The following CDC5L variants were observed in gnomAD, a reference collection of about 807,000 sequenced individuals.
CDC5L encodes cell division cycle 5-like protein.
A neutral mutation model predicts 104.1 loss-of-function variants in CDC5L; 18 were observed. The ratio of observed to expected loss-of-function variants is 0.17; its 90% CI spans 0.12 to 0.26. CDC5L has a LOEUF of 0.26. Ranked by LOEUF, CDC5L falls within the 10% of genes least tolerant of loss-of-function variation. The pLI is 1.00. For synonymous variants in CDC5L, 331 were observed against 322.7 expected (o/e 1.03, Z -0.28); for missense variants, 673 against 956.9 (o/e 0.70, Z 3.91).
intron 10 of CDC5L, among the ~76,000 whole-genome samples, chr6:44,423,105 TG>T (rs1475394858): frequency 2.0e-5 from 3 of 152,220 alleles, no homozygotes; most frequent in Admixed American, 1.3e-4. Flanking sequence ...GTTTTGCTTC[TG>T]CCCGTGTTAC....
chr6:44,406,677 C>T (rs953409077), intron 7 of CDC5L, among the ~76,000 whole-genome samples: 12 of 152,112 alleles, frequency 7.9e-5, no homozygotes, highest in African/African-American at 2.2e-4. Flanking sequence ...GAGACCAGGA[C>T]GGGCGGATCA....
chr6:44,418,017 T>C (rs1345536655), intron 8 of CDC5L, among the ~76,000 whole-genome samples: 1 of 152,228 alleles, frequency 6.6e-6, no homozygotes, highest in Non-Finnish European at 1.5e-5. Context: ...TATTATACTT[T>C]AAGTTTTAGG....
chr6:44,409,610 GT>G (rs1247547112), intron 8 of CDC5L, among the ~76,000 whole-genome samples: 1 of 152,220 alleles, frequency 6.6e-6, no homozygotes, highest in East Asian at 1.9e-4. Flanking sequence ...CAGTTGCTAA[GT>G]TTTTTGACTA....
chr6:44,395,788 T>C (rs1790842666), intron 4 of CDC5L, among the ~76,000 whole-genome samples: 1 of 152,156 alleles, frequency 6.6e-6, no homozygotes, highest in Admixed American at 6.5e-5. Context: ...CAGCCTTGCA[T>C]AGGAATTGTT....
intron 9 of CDC5L, among the ~76,000 whole-genome samples, 194 bp downstream of exon 9, chr6:44,419,791 A>T (rs894419147): frequency 6.6e-6 from 1 of 152,120 alleles, no homozygotes; most frequent in Non-Finnish European, 1.5e-5. Context: ...CCTTTCTTTA[A>T]GATGGAGTCT....
At position 44,445,836 on chromosome 6, in the gene CDC5L, A is replaced by T. The variant is rs756487018; in HGVS notation, c.2273A>T (p.His758Leu). 2 of 1,613,930 alleles carry T rather than the reference A, an allele frequency of 1.2e-6. No individual in the cohort carries two copies. Among genetic ancestry groups the T allele is most frequent in the Non-Finnish European group, 8.5e-7 (1 of 1,179,820 alleles). Residue 758 changes from histidine (H) to leucine (L), a missense_variant, in exon 15 of 16, where the codon CAT becomes CTT. Physicochemically the swap from His to Leu is moderately conservative, Grantham distance 99 (BLOSUM62 -3). Around this residue, in one of 4 missense-constraint regions of CDC5L, gnomAD observed 578 missense variants for 737.0 expected, o/e 0.78. Coordinates refer to ENST00000371477, the MANE Select transcript of CDC5L (RefSeq NM_001253.4). ...CGCACTTTTGAAGAACTCAAGAAAC[A>T]TGAAGATTCTGCTATTCCCCGGAGG... ...ELRTFEELKK[H>L]EDSAIPRRLE...
intron 14 of CDC5L, among the ~76,000 whole-genome samples, chr6:44,432,489 G>C (rs970486065): frequency 2.6e-5 from 4 of 151,756 alleles, no homozygotes; most frequent in African/African-American, 9.7e-5. Context: ...ATGAAGTCCA[G>C]CTTTGTCGTG....
chr6:44,408,449 A>G lies in CDC5L; in HGVS notation c.909A>G (p.Ser303=). ...TGATAATTGTGTCCTTTTAGATTTC[A>G]GATGCAGAACTCCAGGAAGTTGTAA... ...SKLVLPAPQI[S]DAELQEVVKV... is the part of the protein sequence containing the mutation. The change falls in exon 8 of 16, where the codon TCA becomes TCG. Residue 303 remains serine (S), a synonymous_variant. Transcript: ENST00000371477. The G allele has an allele frequency of 1.2e-6, 2 of 1,609,854 alleles. No homozygotes were observed. The highest frequency in any genetic ancestry group is 2.2e-5 in the East Asian group (1 of 44,820).
intron 8 of CDC5L, among the ~76,000 whole-genome samples, chr6:44,419,058 C>G (rs1792034607): frequency 6.6e-6 from 1 of 152,042 alleles, no homozygotes; most frequent in South Asian, 2.1e-4. Flanking sequence ...GTGTTTTAGA[C>G]ATGAAGTCCT....
At position 44,447,607 on chromosome 6, in the gene CDC5L, G is replaced by C. The variant is rs1002955264; in HGVS notation, c.*896G>C. On this transcript the variant is annotated 3_prime_UTR_variant, in exon 16 of 16. Transcript: ENST00000371477. ...TGTTTTGACATCACCAAAAACGTTT[G>C]CCCAGTCTTAGAATACTAGGGACTA... is the stretch of plus-strand genomic sequence containing the variant. 7.2e-5 allele frequency: 11 copies of C among 152,100 alleles called. No individual in the cohort carries two copies. Among genetic ancestry groups the C allele is most frequent in the African/African-American group, 2.7e-4 (11 of 41,416 alleles). 9.4% of individuals were successfully genotyped at this position (152,100 alleles called of 1,614,324 possible).
chr6:44,439,365 C>G lies in CDC5L; in HGVS notation c.2092-6290C>G, dbSNP rs1202113996. Reference sequence around the variant, plus strand: ...ATGTTTTCATTTCTCTTGGGAAATACTGGGAGTGGAATTACTTAGATACTT... The same window carrying G: ...ATGTTTTCATTTCTCTTGGGAAATAGTGGGAGTGGAATTACTTAGATACTT... On this transcript the variant is annotated intron_variant, in intron 14 of 15. Transcript: ENST00000371477. Among the ~76,000 whole-genome samples, 3 of 152,118 alleles carry G rather than the reference C, an allele frequency of 2.0e-5. No individual in the cohort carries two copies. The East Asian group carries it at 5.8e-4, about 29-fold the overall frequency.
chr6:44,445,293 A>G (rs1302062675), intron 14 of CDC5L, among the ~76,000 whole-genome samples: 1 of 152,168 alleles, frequency 6.6e-6, no homozygotes, highest in Non-Finnish European at 1.5e-5. Flanking sequence ...TGGGATATAG[A>G]TGATGAAGGT....
intron 13 of CDC5L, among the ~76,000 whole-genome samples, chr6:44,428,535 C>A (rs1361433914): frequency 6.6e-6 from 1 of 152,062 alleles, no homozygotes; most frequent in Non-Finnish European, 1.5e-5. Flanking sequence ...TTCACTTAAT[C>A]CTAATAACAA....
At chr6:44,412,903 C>T (rs2153379138) in intron 8 of CDC5L, among the ~76,000 whole-genome samples, 1 of 149,940 alleles carries the variant, frequency 6.7e-6, no homozygotes, top group Admixed American at 6.6e-5. Flanking sequence ...CTGCCTCAGC[C>T]TCCCAAGTAG....
intron 8 of CDC5L, among the ~76,000 whole-genome samples, chr6:44,418,790 T>G (rs1561974429): frequency 2.6e-5 from 4 of 152,308 alleles, no homozygotes; most frequent in Admixed American, 2.6e-4. Context: ...CATAAATGTC[T>G]TCTTTTGAGA....
At position 44,447,131 on chromosome 6, in the gene CDC5L, A is replaced by C. The variant is rs564988369; in HGVS notation, c.*420A>C. 1 of 152,686 alleles carries C rather than the reference A, an allele frequency of 6.5e-6. No homozygotes were observed. The highest frequency in any genetic ancestry group is 1.9e-4 in the East Asian group (1 of 5,194). 9.5% of individuals were successfully genotyped at this position (152,686 alleles called of 1,614,324 possible). On this transcript the variant is annotated 3_prime_UTR_variant, in exon 16 of 16. Transcript: ENST00000371477. ...TACTCTGTGTCATATTTAATGAGTA[A>C]CTCTTGGGTAATCAAAATGGTGATG... is the stretch of plus-strand genomic sequence containing the variant.
In CDC5L at chr6:44,387,799, C is replaced by G. The variant is rs562281402; in HGVS notation, c.-25C>G. The G allele has an allele frequency of 1.4e-4, 219 of 1,553,174 alleles. 1 individual carries two copies. In the South Asian group the frequency reaches 2.5e-3, roughly 17 times the overall value. ...ACTTCTCTGAAGCTCCTCTCGGCTG[C>G]TTGCCGAGACACCCTGCCGCCAAGA... is the stretch of plus-strand genomic sequence containing the variant. On this transcript the variant is annotated 5_prime_UTR_variant, in exon 1 of 16. Transcript: ENST00000371477.
In CDC5L at chr6:44,448,157, T is replaced by G. The variant is rs1313782030; in HGVS notation, c.*1446T>G. On this transcript the variant is annotated 3_prime_UTR_variant, in exon 16 of 16. Transcript: ENST00000371477. ...TTTAGAATGGGCTATCCTTGTGAGA[T>G]TCAAGGAAAGAACATCCTAGGTGGA... The G allele has an allele frequency of 1.3e-5, 2 of 152,176 alleles. No individual in the cohort carries two copies. The highest frequency in any genetic ancestry group is 2.1e-4 in the South Asian group (1 of 4,836). The allele number at this position is 152,176 out of a possible 1,614,324, so 9.4% of individuals were successfully genotyped here.
chr6:44,426,242 G>A (rs368124644), intron 12 of CDC5L, 59 bp downstream of exon 12: 52 of 1,206,418 alleles, frequency 4.3e-5, no homozygotes, highest in African/African-American at 2.5e-4. Context: ...TGATTGCTGC[G>A]TTTTACATCA....
Sources: allele counts gnomAD v4.1 joint callset (sites outside exome capture counted in the v4.1 genomes callset), GRCh38; gene constraint gnomAD v4.1.1; regional missense constraint gnomAD v4.1.1; transcripts MANE v1.5; gene names NCBI Gene and HGNC (gene_info 2026-07-23, HGNC 2026-07-21).